The following PRKCE variants were observed in gnomAD, a reference collection of about 807,000 sequenced individuals.
PRKCE encodes the protein protein kinase C epsilon type.
Under a neutral mutation model 85.4 loss-of-function variants are expected in PRKCE, and 16 were observed. That is an observed-to-expected ratio of 0.19 (90% CI 0.13 to 0.28). The LOEUF is 0.28. Ranked by LOEUF, PRKCE falls within the 10% of genes least tolerant of loss-of-function variation. The probability of loss-of-function intolerance (pLI) is 1.00; values close to 1 mark genes in which losing one functional copy is unlikely to be tolerated. For missense variants in PRKCE, 573 were observed against 975.2 expected, an observed-to-expected ratio of 0.59 and a Z score of 5.49; for synonymous variants, 388 against 371.5, an observed-to-expected ratio of 1.04 and a Z score of -0.51.
At chr2:46,146,477 T>G (rs1198061127) in intron 12 of PRKCE, among the ~76,000 whole-genome samples, 1 of 152,162 alleles carries the variant, frequency 6.6e-6, no homozygotes. Flanking sequence ...TTAAGCAGAA[T>G]AAATAGGCAC....
At chr2:45,887,502 T>A (rs893536828) in intron 2 of PRKCE, among the ~76,000 whole-genome samples, 4 of 151,808 alleles carry the variant, frequency 2.6e-5, no homozygotes, top group African/African-American at 9.7e-5. Flanking sequence ...GGTGGCGGTT[T>A]CAGGAATAAG....
chr2:45,771,702 C>CGTGT (rs61209033), intron 1 of PRKCE, among the ~76,000 whole-genome samples: 6,773 of 146,618 alleles, frequency 0.046, 258 homozygotes, highest in East Asian at 0.18. Context: ...CAGAGTGGGG[C>CGTGT]GTGTGTGTGT....
chr2:45,769,226 C>G (rs1239134142), intron 1 of PRKCE, among the ~76,000 whole-genome samples: 1 of 152,164 alleles, frequency 6.6e-6, no homozygotes, highest in East Asian at 1.9e-4. Context: ...TGACAAAAGT[C>G]TTTTCATCCT....
At chr2:45,917,656 C>T (rs556564337) in intron 2 of PRKCE, among the ~76,000 whole-genome samples, 21 of 152,386 alleles carry the variant, frequency 1.4e-4, no homozygotes, top group East Asian at 3.9e-4. Context: ...CTGCCAGTCC[C>T]GTGCCATGCG....
At chr2:45,862,684 C>T (rs963344275) in intron 2 of PRKCE, among the ~76,000 whole-genome samples, 24 of 152,142 alleles carry the variant, frequency 1.6e-4, no homozygotes, top group African/African-American at 5.3e-4. Context: ...GGTCACAATG[C>T]GCAGGGCTTT....
chr2:46,151,056 G>C lies in PRKCE; in HGVS notation c.1747G>C (p.Glu583Gln). 2 of 1,599,112 alleles carry C rather than the reference G, an allele frequency of 1.3e-6. No homozygotes were observed. The highest frequency in any genetic ancestry group is 1.7e-6 in the Non-Finnish European group (2 of 1,179,602). Residue 583 changes from glutamate to glutamine, a missense_variant, in exon 13 of 15, where the codon GAG becomes CAG. By Grantham distance (29) the Glu-to-Gln change is conservative (BLOSUM62 2). Coordinates refer to ENST00000306156, the MANE Select transcript of PRKCE (RefSeq NM_005400.3). ...TCCTGAACAGATCCTGCAGGAGTTG[G>C]AGTATGGCCCCTCCGTGGACTGGTG... ...YIAPEILQEL[E>Q]YGPSVDWWAL...
At chr2:46,178,081 G>A (rs1679602469) in intron 14 of PRKCE, among the ~76,000 whole-genome samples, 1 of 152,184 alleles carries the variant, frequency 6.6e-6, no homozygotes, top group Non-Finnish European at 1.5e-5. Context: ...CCAACAGGGA[G>A]ATACCCCATC....
Position 45,971,623 on chromosome 2 carries a change from T to C in PRKCE, c.413-4806T>C, listed in dbSNP as rs535024271. On this transcript the variant is annotated intron_variant, in intron 2 of 14. Transcript: ENST00000306156. ...TAAGAGATTGAGAAGACAATCTCTTTTGAATTATGGTTTTTCAATGTTTGT... is the reference window on the plus strand; with the variant it reads ...TAAGAGATTGAGAAGACAATCTCTTCTGAATTATGGTTTTTCAATGTTTGT... Among the ~76,000 whole-genome samples the C allele has an allele frequency of 2.4e-4, 36 of 152,358 alleles. No individual in the cohort carries two copies. The South Asian group carries it at 4.6e-3, about 19-fold the overall frequency.
chr2:45,787,874 A>T (rs1013472583), intron 1 of PRKCE, among the ~76,000 whole-genome samples: 1 of 152,166 alleles, frequency 6.6e-6, no homozygotes, highest in Non-Finnish European at 1.5e-5. Context: ...CAGGGGAGTG[A>T]TATGTAACCA....
intron 1 of PRKCE, among the ~76,000 whole-genome samples, chr2:45,839,734 T>A (rs1347328444): frequency 2.0e-5 from 3 of 152,246 alleles, no homozygotes; most frequent in Non-Finnish European, 4.4e-5. Context: ...TCACCATCTT[T>A]TATACTTGGT....
intron 11 of PRKCE, among the ~76,000 whole-genome samples, chr2:46,094,458 T>G (rs993703684): frequency 6.6e-6 from 1 of 152,206 alleles, no homozygotes; most frequent in African/African-American, 2.4e-5. Context: ...AATCTTCAGA[T>G]GAGATCATGT....
chr2:45,672,478 G>A lies in PRKCE; in HGVS notation c.348+20030G>A, dbSNP rs531747532. Among the ~76,000 whole-genome samples, 3 of 152,260 alleles carry A rather than the reference G, an allele frequency of 2.0e-5. No homozygotes were observed. In the South Asian group the frequency reaches 6.2e-4, roughly 32 times the overall value. Reference sequence around the variant, plus strand: ...GCCAGCCAGCCAGCTGGACAGCCAGGCAGCCAGACAGCCTGTCAGTTTATT... The same window carrying A: ...GCCAGCCAGCCAGCTGGACAGCCAGACAGCCAGACAGCCTGTCAGTTTATT... On this transcript the variant is annotated intron_variant, in intron 1 of 14. Transcript: ENST00000306156.
intron 1 of PRKCE, among the ~76,000 whole-genome samples, chr2:45,712,914 G>T (rs1475364191): frequency 6.6e-6 from 1 of 152,218 alleles, no homozygotes; most frequent in African/African-American, 2.4e-5. Context: ...CTTTGAGGCT[G>T]AAAGTATACC....
chr2:45,936,437 TTGG>T (rs1699461962), intron 2 of PRKCE, among the ~76,000 whole-genome samples: 1 of 152,200 alleles, frequency 6.6e-6, no homozygotes, highest in Non-Finnish European at 1.5e-5. Context: ...AGTCACTGGC[TTGG>T]TGGCCGTGGG....
chr2:45,896,197 G>T (rs575466190), intron 2 of PRKCE, among the ~76,000 whole-genome samples: 1 of 152,198 alleles, frequency 6.6e-6, no homozygotes, highest in Non-Finnish European at 1.5e-5. Context: ...AGTGGTCTGT[G>T]TGGGGTCTAA....
chr2:46,176,894 G>C (rs941409803), intron 14 of PRKCE, among the ~76,000 whole-genome samples: 4 of 152,228 alleles, frequency 2.6e-5, no homozygotes, highest in African/African-American at 9.6e-5. Context: ...GGATACAGCA[G>C]ATAAGATGGA....
chr2:45,890,802 C>A (rs183417723), intron 2 of PRKCE, among the ~76,000 whole-genome samples: 22 of 152,236 alleles, frequency 1.4e-4, no homozygotes, highest in Admixed American at 3.9e-4. Flanking sequence ...CTACCCTGCA[C>A]AAGGCACTAT....
intron 2 of PRKCE, among the ~76,000 whole-genome samples, chr2:45,917,051 A>C (rs1697845166): frequency 6.6e-6 from 1 of 152,176 alleles, no homozygotes; most frequent in Admixed American, 6.5e-5. Flanking sequence ...AGGGGACTCC[A>C]GCAGGTTACC....
intron 6 of PRKCE, among the ~76,000 whole-genome samples, chr2:45,991,932 A>C (rs1026716852): frequency 6.6e-6 from 1 of 152,192 alleles, no homozygotes; most frequent in Non-Finnish European, 1.5e-5. Context: ...CATTTATGCC[A>C]CTGTAGTACT....
Sources: gnomAD v4.1 joint callset for allele counts (sites outside exome capture counted in the v4.1 genomes callset) on GRCh38, gnomAD v4.1.1 for gene constraint, MANE v1.5 for transcripts, NCBI Gene and HGNC (gene_info 2026-07-23, HGNC 2026-07-21) for gene names.